The following SPATS2 variants were observed in gnomAD, a reference collection of about 807,000 sequenced individuals.
SPATS2 encodes spermatogenesis associated serine rich 2, also known as spermatogenesis-associated serine-rich protein 2.
Under a neutral mutation model 63.7 loss-of-function variants are expected in SPATS2, and 38 were observed. The ratio of observed to expected loss-of-function variants is 0.60; its 90% CI spans 0.46 to 0.78. The LOEUF (loss-of-function observed/expected upper bound fraction) is 0.78, where lower values mean the gene tolerates loss of function less well. Among genes scored for constraint, SPATS2 ranks in the 30% least tolerant of loss-of-function variants. The pLI is 0.00. For missense variants in SPATS2, 588 were observed against 666.2 expected, an observed-to-expected ratio of 0.88 and a Z score of 1.29; for synonymous variants, 207 against 232.9, an observed-to-expected ratio of 0.89 and a Z score of 1.01.
Position 49,447,637 on chromosome 12 carries a change from T to G in SPATS2, c.-243-13133T>G, listed in dbSNP as rs377608314. The stretch of plus-strand genomic sequence containing the variant: ...GGCCTTGTGCTTTTTTGTGTGTGTG[T>G]GGGAAGGATTTTAGATTATTAATTC... On this transcript the variant is annotated intron_variant, in intron 2 of 13. Transcript: ENST00000552918. 5.6e-4 allele frequency among the ~76,000 whole-genome samples: 86 copies of G among 152,364 alleles called. No homozygotes were observed. The South Asian group carries it at 0.012, about 22-fold the overall frequency.
chr12:49,472,571 G>C (rs1451072169), intron 3 of SPATS2, among the ~76,000 whole-genome samples: 1 of 148,948 alleles, frequency 6.7e-6, no homozygotes, highest in Non-Finnish European at 1.5e-5. Context: ...GAATAGGCAT[G>C]TCAGGAAAGA....
chr12:49,412,342 GCGC>G (rs1944811846), intron 2 of SPATS2, among the ~76,000 whole-genome samples: 1 of 151,768 alleles, frequency 6.6e-6, no homozygotes, highest in Admixed American at 6.6e-5. Context: ...TTATAGGTAT[GCGC>G]CACCATGCCC....
intron 4 of SPATS2, among the ~76,000 whole-genome samples, chr12:49,484,918 T>C (rs185630194): frequency 7.9e-5 from 12 of 152,340 alleles, no homozygotes; most frequent in Admixed American, 7.2e-4. Flanking sequence ...TTTGAAGATA[T>C]TCAGTATTAA....
intron 6 of SPATS2, among the ~76,000 whole-genome samples, chr12:49,492,250 TG>T (rs1222886885): frequency 1.3e-5 from 2 of 151,734 alleles, no homozygotes; most frequent in Admixed American, 1.3e-4. Context: ...GATGGAGTTT[TG>T]CTCTGTCGCC....
intron 8 of SPATS2, among the ~76,000 whole-genome samples, chr12:49,498,132 CAAAAAAAA>C (rs71439501): frequency 4.3e-5 from 5 of 117,348 alleles, no homozygotes; most frequent in African/African-American, 2.0e-4. Context: ...CCAATCAAGC[CAAAAAAAA>C]AAAAAATATA....
intron 13 of SPATS2, 79 bp downstream of exon 13, chr12:49,524,975 T>C: frequency 7.2e-7 from 1 of 1,383,188 alleles, no homozygotes; most frequent in Non-Finnish European, 1.0e-6. Context: ...TAGCTCAGTA[T>C]ATTATCTTCC....
rs1946964972 is a variant in SPATS2, at chr12:49,522,814, G to A, written c.1072G>A (p.Val358Ile). ...LGRVARFTCD[V>I]ETLKKSIDSF... The stretch of plus-strand genomic sequence containing the variant: ...ACGAGTAGCCCGGTTCACCTGTGAT[G>A]TAGAGACCCTAAAGAAGAGCATTGA... Residue 358 changes from valine to isoleucine, a missense_variant, in exon 12 of 14, where the codon GTA becomes ATA. Transcript: ENST00000552918. 2 of 1,613,686 alleles carry A rather than the reference G, an allele frequency of 1.2e-6. No homozygotes were observed. The highest frequency in any genetic ancestry group is 1.3e-5 in the African/African-American group (1 of 74,922).
At chr12:49,454,738 C>A (rs1357761552) in intron 2 of SPATS2, among the ~76,000 whole-genome samples, 1 of 152,012 alleles carries the variant, frequency 6.6e-6, no homozygotes, top group Admixed American at 6.6e-5. Flanking sequence ...AAAAAATTAG[C>A]CAGGCATGGT....
At chr12:49,413,529 C>T (rs1461516519) in intron 2 of SPATS2, among the ~76,000 whole-genome samples, 2 of 151,858 alleles carry the variant, frequency 1.3e-5, no homozygotes, top group South Asian at 2.1e-4. Flanking sequence ...CTTGCCAGCA[C>T]GTCATATTCC....
rs1947003736 is a variant in SPATS2 at position 49,524,770 on chromosome 12, T to C, written c.1200T>C (p.Ala400=). 6.2e-7 allele frequency: 1 copy of C among 1,614,214 alleles called. No individual in the cohort carries two copies. Among genetic ancestry groups the C allele is most frequent in the Non-Finnish European group, 8.5e-7 (1 of 1,180,038 alleles). ...TGAGTAGCCCAAGTGATGCCTCTGC[T>C]GCTTCCTCTTCCACCTGTGCCTCTC... is the stretch of plus-strand genomic sequence containing the variant. ...VSLSSPSDAS[A]ASSSTCASPP... Residue 400 remains alanine, a synonymous_variant, in exon 13 of 14, where the codon GCT becomes GCC. Coordinates refer to ENST00000552918, the MANE Select transcript of SPATS2 (RefSeq NM_023071.4).
At chr12:49,392,469 A>C (rs1475006601) in intron 2 of SPATS2, among the ~76,000 whole-genome samples, 2 of 152,206 alleles carry the variant, frequency 1.3e-5, no homozygotes, top group Non-Finnish European at 2.9e-5. Context: ...CTGTAGTCCC[A>C]GCAGTTTGGG....
At chr12:49,519,873 C>T (rs1163301750) in intron 11 of SPATS2, among the ~76,000 whole-genome samples, 4 of 150,862 alleles carry the variant, frequency 2.7e-5, no homozygotes, top group African/African-American at 7.3e-5. Context: ...AGTGCAATGG[C>T]GTGCCATCTC....
chr12:49,521,874 C>T (rs1946946920), intron 11 of SPATS2, among the ~76,000 whole-genome samples: 1 of 152,140 alleles, frequency 6.6e-6, no homozygotes, highest in South Asian at 2.1e-4. Context: ...ATTTTTCTCT[C>T]TCCTTTCCCT....
chr12:49,525,600 CT>C (rs1260697417), intron 13 of SPATS2, among the ~76,000 whole-genome samples: 4 of 152,130 alleles, frequency 2.6e-5, no homozygotes, highest in African/African-American at 9.7e-5. Flanking sequence ...TACCAATGGC[CT>C]TTTATCTGCA....
chr12:49,445,804 C>T (rs1292585964), intron 2 of SPATS2, among the ~76,000 whole-genome samples: 5 of 151,768 alleles, frequency 3.3e-5, no homozygotes, highest in African/African-American at 7.3e-5. Context: ...TATAGACAGG[C>T]GTGAGCCATC....
chr12:49,406,201 A>G (rs1294844926), intron 2 of SPATS2, among the ~76,000 whole-genome samples: 1 of 152,076 alleles, frequency 6.6e-6, no homozygotes, highest in Non-Finnish European at 1.5e-5. Flanking sequence ...GAGGATACTG[A>G]CATATATGTA....
chr12:49,467,044 GTTTTTTT>G (rs59350335), intron 3 of SPATS2, among the ~76,000 whole-genome samples: 6 of 75,778 alleles, frequency 7.9e-5, no homozygotes, highest in Non-Finnish European at 1.6e-4. Flanking sequence ...TTTGTTCTTT[GTTTTTTT>G]TTTTTTTTTT....
rs1945716987 is a variant in SPATS2 at position 49,456,233 on chromosome 12, G to T, written c.-243-4537G>T. ...ATAGACTGCCACTGTTCTTACCATA[G>T]GTTCAGTAGGTTTCTTGTGAATAAC... On this transcript the variant is annotated intron_variant, in intron 2 of 13. Coordinates refer to ENST00000552918, the MANE Select transcript of SPATS2 (RefSeq NM_023071.4). Among the ~76,000 whole-genome samples, 6 of 152,160 alleles carry T rather than the reference G, an allele frequency of 3.9e-5. No homozygotes were observed. The South Asian group carries it at 1.2e-3, about 32-fold the overall frequency.
At chr12:49,391,318 C>T (rs1258311684) in intron 2 of SPATS2, among the ~76,000 whole-genome samples, 2 of 152,148 alleles carry the variant, frequency 1.3e-5, no homozygotes, top group Non-Finnish European at 2.9e-5. Context: ...TTGAGACCAG[C>T]CTGGCCAACA....
Sources: gnomAD v4.1 joint callset for allele counts (sites outside exome capture counted in the v4.1 genomes callset) on GRCh38, gnomAD v4.1.1 for gene constraint, MANE v1.5 for transcripts, NCBI Gene and HGNC (gene_info 2026-07-23, HGNC 2026-07-21) for gene names.